NEMP2: variants seen among roughly 807,000 people sequenced by gnomAD.
The protein encoded by NEMP2 is nuclear envelope integral membrane protein 2.
Under a neutral mutation model 54.2 loss-of-function variants are expected in NEMP2, and 53 were observed. The ratio of observed to expected loss-of-function variants is 0.98; its 90% confidence interval spans 0.78 to 1.23. The LOEUF (loss-of-function observed/expected upper bound fraction) is 1.23, where lower values mean the gene tolerates loss of function less well. NEMP2 is among the 50% of genes most tolerant of loss of function. The pLI is 0.00. For synonymous variants in NEMP2, 197 were observed against 190.3 expected (o/e 1.04, Z -0.29); for missense variants, 455 against 511.3 (o/e 0.89, Z 1.06).
chr2:190,426,411 ACTTT>A, the NEMP2 span, among the ~76,000 whole-genome samples: 1 of 151,540 alleles, frequency 6.6e-6, no homozygotes, highest in Non-Finnish European at 1.5e-5. This position sits in a 1 kb window ranked among gnomAD's most constrained non-coding sequence, Gnocchi z 4.7. Flanking sequence ...CTTTGCTGAG[ACTTT>A]CTGTTTTTTT....
chr2:190,427,643 A>G, the NEMP2 span, among the ~76,000 whole-genome samples: 5 of 151,328 alleles, frequency 3.3e-5, no homozygotes, highest in Non-Finnish European at 5.9e-5. Context: ...TTTATATATT[A>G]TTGTCTAGGG....
the NEMP2 span, among the ~76,000 whole-genome samples, chr2:190,548,765 T>C: frequency 6.6e-6 from 1 of 152,250 alleles, no homozygotes. Context: ...AATAAATGTG[T>C]GCTTAGTGGG....
At position 190,520,078 on chromosome 2, in the gene NEMP2, T is replaced by C. The variant is rs1006379432; in HGVS notation, c.214-895A>G. Among the ~76,000 whole-genome samples the C allele has an allele frequency of 1.3e-5, 2 of 152,208 alleles. No homozygotes were observed. The highest frequency in any genetic ancestry group is 1.3e-4 in the Admixed American group (2 of 15,286). ...GTACTAGGAAACCAAAAAATTTGTA[T>C]GACTTGCTTTATGGGGTATTTATTG... On this transcript the variant is annotated intron_variant, in intron 2 of 8. Transcript: ENST00000409150. This position sits in a 1 kb window ranked among gnomAD's most constrained non-coding sequence, Gnocchi z 5.4.
the NEMP2 span, chr2:190,469,834 C>G: frequency 6.2e-7 from 1 of 1,607,572 alleles, no homozygotes; most frequent in Non-Finnish European, 8.5e-7. This position sits in a 1 kb window ranked among gnomAD's most constrained non-coding sequence, Gnocchi z 5.3. Context: ...CTGGACTGTT[C>G]TCCCCATGGA....
the NEMP2 span, chr2:190,477,313 C>G: frequency 1.0e-6 from 1 of 984,638 alleles, no homozygotes; most frequent in African/African-American, 1.7e-5. Context: ...CCTGTTCTAT[C>G]CTGACCTGGC....
At chr2:190,429,625 A>C in the NEMP2 span, among the ~76,000 whole-genome samples, 1 of 152,106 alleles carries the variant, frequency 6.6e-6, no homozygotes, top group African/African-American at 2.4e-5. Flanking sequence ...AGAAATTCTT[A>C]ATTTTAATGT....
chr2:190,519,671 C>T lies in NEMP2; in HGVS notation c.214-488G>A, dbSNP rs73979266. On this transcript the variant is annotated intron_variant, in intron 2 of 8. Coordinates refer to ENST00000409150, the MANE Select transcript of NEMP2 (RefSeq NM_001142645.2). The surrounding 1 kb of genome is among the most constrained non-coding windows in gnomAD (Gnocchi z 5.4). ...GAGATCTGTATTTAGTCCAAACACACGCTGAACCACAGACATTATTGAAAG... is the reference window on the plus strand; with the variant it reads ...GAGATCTGTATTTAGTCCAAACACATGCTGAACCACAGACATTATTGAAAG... Among the ~76,000 whole-genome samples the T allele has an allele frequency of 5.9e-3, 896 of 152,290 alleles. 11 individuals are homozygous for T. The highest frequency in any genetic ancestry group is 0.021 in the African/African-American group (852 of 41,532).
rs573813765 is a variant in NEMP2, at chr2:190,527,929, C to A, written c.98-2551G>T. ...AAAACCACCCCAACCCCACTCCTATCCTGTGGAAAAACTGTCTTCCATGAA... is the reference window on the plus strand; with the variant it reads ...AAAACCACCCCAACCCCACTCCTATACTGTGGAAAAACTGTCTTCCATGAA... On this transcript the variant is annotated intron_variant, in intron 1 of 8. Transcript: ENST00000409150. This position sits in a 1 kb window ranked among gnomAD's most constrained non-coding sequence, Gnocchi z 4.0. Among the ~76,000 whole-genome samples the A allele has an allele frequency of 1.4e-4, 22 of 152,292 alleles. No individual in the cohort carries two copies. Among genetic ancestry groups the A allele is most frequent in the African/African-American group, 5.3e-4 (22 of 41,552 alleles).
At chr2:190,572,869 A>ATGTATG in the NEMP2 span, among the ~76,000 whole-genome samples, 1 of 123,434 alleles carries the variant, frequency 8.1e-6, no homozygotes, top group Non-Finnish European at 1.7e-5. Context: ...ATATATATAT[A>ATGTATG]TATATATGTA....
the NEMP2 span, among the ~76,000 whole-genome samples, chr2:190,566,494 T>C: frequency 6.6e-6 from 1 of 151,788 alleles, no homozygotes; most frequent in Non-Finnish European, 1.5e-5. Context: ...GTGGCTGAGG[T>C]GTGAGATCAC....
At chr2:190,625,284 T>G in the NEMP2 span, 1 of 152,196 alleles carries the variant, frequency 6.6e-6, no homozygotes, top group Non-Finnish European at 1.5e-5. Flanking sequence ...AAAAGATAGA[T>G]GAACCTTGAA....
chr2:190,523,550 GTACACACA>G lies in NEMP2; in HGVS notation c.213+1705_213+1712del, dbSNP rs1188161128. Reference sequence around the variant, plus strand: ...CAGGCCTATGCGTGTGTATGTGTTTGTACACACATGATGATATGCTAGTAGCAATGAAC... The same window carrying G: ...CAGGCCTATGCGTGTGTATGTGTTTGTGATGATATGCTAGTAGCAATGAAC... On this transcript the variant is annotated intron_variant, in intron 2 of 8. Transcript: ENST00000409150. The surrounding 1 kb of genome is among the most constrained non-coding windows in gnomAD (Gnocchi z 5.3). Among the ~76,000 whole-genome samples the G allele has an allele frequency of 1.2e-4, 19 of 152,156 alleles. No homozygotes were observed. Among genetic ancestry groups the G allele is most frequent in the African/African-American group, 4.6e-4 (19 of 41,438 alleles).
the NEMP2 span, chr2:190,469,773 C>T: frequency 6.3e-7 from 1 of 1,589,186 alleles, no homozygotes; most frequent in South Asian, 1.1e-5. This position sits in a 1 kb window ranked among gnomAD's most constrained non-coding sequence, Gnocchi z 5.3. Flanking sequence ...TGTACATTGG[C>T]CTGGCCTGCA....
chr2:190,452,910 G>A, the NEMP2 span, among the ~76,000 whole-genome samples: 6 of 152,212 alleles, frequency 3.9e-5, no homozygotes, highest in Middle Eastern at 3.4e-3. Context: ...TGATGACCAC[G>A]TATCATTTAG....
the NEMP2 span, among the ~76,000 whole-genome samples, chr2:190,582,250 T>C: frequency 2.0e-5 from 3 of 152,162 alleles, no homozygotes; most frequent in African/African-American, 7.2e-5. The surrounding 1 kb of genome is among the most constrained non-coding windows in gnomAD (Gnocchi z 4.6). Flanking sequence ...TTTACTGTGG[T>C]GTGAGCAAAG....
chr2:190,502,939 A>G (rs577694473), downstream of NEMP2, among the ~76,000 whole-genome samples: 7 of 152,118 alleles, frequency 4.6e-5, no homozygotes, highest in East Asian at 1.9e-4. The surrounding 1 kb of genome is among the most constrained non-coding windows in gnomAD (Gnocchi z 4.4). Context: ...TTCAAACTCA[A>G]ATCTTCCTAA....
rs1690389247 is a variant in NEMP2, at chr2:190,512,159, A to G, written c.954-1622T>C. ...GGATGCTAAGCCAGAAGACCTGGAC[A>G]TAGTCCTGGCTTTGAGATTTATTCA... is the stretch of plus-strand genomic sequence containing the variant. On this transcript the variant is annotated intron_variant, in intron 7 of 8. Coordinates refer to ENST00000409150, the MANE Select transcript of NEMP2 (RefSeq NM_001142645.2). The surrounding 1 kb of genome is among the most constrained non-coding windows in gnomAD (Gnocchi z 4.5). Among the ~76,000 whole-genome samples the G allele has an allele frequency of 6.6e-6, 1 of 152,178 alleles. No individual in the cohort carries two copies. The highest frequency in any genetic ancestry group is 1.5e-5 in the Non-Finnish European group (1 of 68,016).
At chr2:190,488,755 C>T in the NEMP2 span, 3 of 1,610,280 alleles carry the variant, frequency 1.9e-6, no homozygotes, top group Non-Finnish European at 2.5e-6. This position sits in a 1 kb window ranked among gnomAD's most constrained non-coding sequence, Gnocchi z 6.4. Context: ...CCTGCAGGGC[C>T]TTCACCTGGG....
In NEMP2 at chr2:190,516,362, A is replaced by G. The variant is rs899819504; in HGVS notation, c.635T>C (p.Met212Thr). ...IPKYSTFWALMVGCWFASVYI... is the reference protein window; with the variant it reads ...IPKYSTFWALTVGCWFASVYI... Reference sequence around the variant, plus strand: ...AACTGAGGCAAACCAACAACCAACCATTAGAGCCCAAAAGGTGCTATACTG... The same window carrying G: ...AACTGAGGCAAACCAACAACCAACCGTTAGAGCCCAAAAGGTGCTATACTG... The change falls in exon 6 of 9, where the codon ATG (methionine) becomes ACG (threonine). Residue 212 changes from methionine (M) to threonine (T), a missense_variant. By Grantham distance (81) the Met-to-Thr change is moderately conservative. Coordinates refer to ENST00000409150, the MANE Select transcript of NEMP2 (RefSeq NM_001142645.2). 3.9e-6 allele frequency: 6 copies of G among 1,551,326 alleles called. No individual in the cohort carries two copies. The highest frequency in any genetic ancestry group is 2.4e-5 in the East Asian group (1 of 40,912).
Sources: allele counts gnomAD v4.1 joint callset (sites outside exome capture counted in the v4.1 genomes callset), GRCh38; gene constraint gnomAD v4.1.1; non-coding constraint Gnocchi (gnomAD v3.1); transcripts MANE v1.5; gene names NCBI Gene and HGNC (gene_info 2026-07-23, HGNC 2026-07-21).